The following DLG2 variants were observed in gnomAD, a reference collection of about 807,000 sequenced individuals.
DLG2 encodes disks large homolog 2.
A neutral mutation model predicts 132.5 loss-of-function variants in DLG2; 45 were observed. The ratio of observed to expected loss-of-function variants is 0.34; its 90% CI spans 0.27 to 0.44. The LOEUF is 0.44. DLG2 is among the 20% of genes least tolerant of loss of function. The pLI is 1.00. For missense variants in DLG2, 1,045 were observed against 1,196.9 expected (o/e 0.87, Z 1.87); for synonymous variants, 424 against 419.6 (o/e 1.01, Z -0.13).
chr11:84,227,415 T>C (rs1039554354), intron 8 of DLG2, among the ~76,000 whole-genome samples: 2 of 151,708 alleles, frequency 1.3e-5, no homozygotes, highest in Admixed American at 6.5e-5. Flanking sequence ...CATGAGTGTA[T>C]ATCATGGAAA....
intron 10 of DLG2, among the ~76,000 whole-genome samples, chr11:84,082,516 C>T (rs181929616): frequency 6.6e-6 from 1 of 152,222 alleles, no homozygotes; most frequent in Admixed American, 6.5e-5. Flanking sequence ...AACACCAATC[C>T]ACACTGATCA....
chr11:84,185,751 T>C (rs1464435185), intron 8 of DLG2, among the ~76,000 whole-genome samples: 5 of 152,196 alleles, frequency 3.3e-5, no homozygotes, highest in Admixed American at 6.5e-5. Flanking sequence ...GTCCCATCAA[T>C]ACCTAATTTA....
intron 7 of DLG2, among the ~76,000 whole-genome samples, chr11:84,368,315 C>T (rs537565781): frequency 6.6e-6 from 1 of 152,176 alleles, no homozygotes; most frequent in East Asian, 1.9e-4. Context: ...CTTTCTACCT[C>T]ACATTCTTAT....
intron 11 of DLG2, among the ~76,000 whole-genome samples, chr11:84,029,423 GA>G (rs1362905101): frequency 6.6e-6 from 1 of 151,624 alleles, no homozygotes; most frequent in Non-Finnish European, 1.5e-5. Context: ...TTGCAGAAAT[GA>G]GAAAAAAAAA....
intron 4 of DLG2, among the ~76,000 whole-genome samples, chr11:85,178,498 A>T (rs2152507128): frequency 6.6e-6 from 1 of 152,086 alleles, no homozygotes; most frequent in Non-Finnish European, 1.5e-5. Flanking sequence ...TTATACTAAA[A>T]CTATAGCAAA....
chr11:85,531,666 G>A (rs933635132), intron 3 of DLG2, among the ~76,000 whole-genome samples: 1 of 152,098 alleles, frequency 6.6e-6, no homozygotes, highest in Non-Finnish European at 1.5e-5. Context: ...AAGAGAAGTG[G>A]GCGTAGACAC....
intron 11 of DLG2, among the ~76,000 whole-genome samples, chr11:84,037,815 GAT>G (rs971435478): frequency 2.0e-5 from 3 of 151,908 alleles, no homozygotes; most frequent in Non-Finnish European, 4.4e-5. Context: ...CATACATGTT[GAT>G]GTTAATATTT....
At chr11:85,246,539 C>A (rs982013545) in intron 4 of DLG2, among the ~76,000 whole-genome samples, 2 of 150,510 alleles carry the variant, frequency 1.3e-5, no homozygotes, top group African/African-American at 4.9e-5. Context: ...CACGTCCCTC[C>A]CCCTCACCCC....
chr11:85,552,980 A>G (rs1462613907), intron 3 of DLG2, among the ~76,000 whole-genome samples: 1 of 151,784 alleles, frequency 6.6e-6, no homozygotes, highest in Non-Finnish European at 1.5e-5. Flanking sequence ...AACTTCAGAT[A>G]ATTAAAGACA....
At chr11:85,074,856 A>C (rs2066320161) in intron 6 of DLG2, among the ~76,000 whole-genome samples, 1 of 151,888 alleles carries the variant, frequency 6.6e-6, no homozygotes, top group South Asian at 2.1e-4. Flanking sequence ...TTGATTAATA[A>C]ATGGAGGAAC....
At chr11:84,424,736 TAGA>T (rs2098961066) in intron 7 of DLG2, among the ~76,000 whole-genome samples, 2 of 152,052 alleles carry the variant, frequency 1.3e-5, no homozygotes, top group Admixed American at 1.3e-4. Flanking sequence ...TTGGGGTGGG[TAGA>T]AGGACATTAT....
At chr11:84,783,366 C>A (rs1265804173) in intron 6 of DLG2, among the ~76,000 whole-genome samples, 1 of 152,166 alleles carries the variant, frequency 6.6e-6, no homozygotes, top group Non-Finnish European at 1.5e-5. Context: ...GACTCCATCA[C>A]CCTGTGCCCC....
At chr11:83,464,253 T>C (rs1226017182) in intron 26 of DLG2, among the ~76,000 whole-genome samples, 1 of 152,228 alleles carries the variant, frequency 6.6e-6, no homozygotes, top group Non-Finnish European at 1.5e-5. Flanking sequence ...GATTTTATGC[T>C]CCTCTGAAGA....
intron 7 of DLG2, among the ~76,000 whole-genome samples, chr11:84,374,288 C>T (rs570510280): frequency 6.6e-6 from 1 of 152,168 alleles, no homozygotes; most frequent in Non-Finnish European, 1.5e-5. Context: ...AATTTGAACA[C>T]TTCAGGATAA....
chr11:83,847,540 T>C (rs1416685170), intron 16 of DLG2, among the ~76,000 whole-genome samples: 1 of 152,150 alleles, frequency 6.6e-6, no homozygotes, highest in African/African-American at 2.4e-5. Context: ...TCCATATTAT[T>C]GTAGAAAAAA....
chr11:85,346,734 T>G (rs566862090), intron 3 of DLG2, among the ~76,000 whole-genome samples: 2 of 151,998 alleles, frequency 1.3e-5, no homozygotes, highest in South Asian at 4.2e-4. Flanking sequence ...TGGAGTCGCT[T>G]TGGTTCAAAC....
intron 18 of DLG2, among the ~76,000 whole-genome samples, chr11:83,744,369 T>C (rs1294793854): frequency 6.6e-6 from 1 of 152,222 alleles, no homozygotes; most frequent in Non-Finnish European, 1.5e-5. Context: ...TTAAATCATA[T>C]GGTGACCTGT....
chr11:85,317,051 T>C (rs935108687), intron 3 of DLG2, among the ~76,000 whole-genome samples: 1 of 151,972 alleles, frequency 6.6e-6, no homozygotes, highest in Non-Finnish European at 1.5e-5. Flanking sequence ...AGTATGAATA[T>C]CAACTTTGAA....
At chr11:84,946,688 G>C (rs2050242119) in intron 6 of DLG2, among the ~76,000 whole-genome samples, 1 of 152,154 alleles carries the variant, frequency 6.6e-6, no homozygotes, top group Admixed American at 6.5e-5. Flanking sequence ...TTGAGAGAGA[G>C]GAAACACAAG....
Sources: allele counts gnomAD v4.1 joint callset (sites outside exome capture counted in the v4.1 genomes callset), GRCh38; gene constraint gnomAD v4.1.1; transcripts MANE v1.5; gene names NCBI Gene and HGNC (gene_info 2026-07-23, HGNC 2026-07-21).